Variants in SLC9A9 observed in about 807,000 individuals in gnomAD.
SLC9A9 encodes solute carrier family 9 member A9, also known as sodium/hydrogen exchanger 9.
SLC9A9 carries 62 observed loss-of-function variants against 77.8 expected under a neutral mutation model. That is an observed-to-expected ratio of 0.80 (90% CI 0.65 to 0.98). SLC9A9 has a LOEUF of 0.98. Ranked by LOEUF, SLC9A9 falls within the 50% of genes least tolerant of loss-of-function variation. SLC9A9 has a pLI of 0.00. For synonymous variants in SLC9A9, 320 were observed against 283.5 expected (o/e 1.13, Z -1.29); for missense variants, 775 against 774.9 (o/e 1.00, Z 0.00).
At chr3:143,702,270 T>C (rs1933824616) in intron 4 of SLC9A9, among the ~76,000 whole-genome samples, 2 of 152,136 alleles carry the variant, frequency 1.3e-5, no homozygotes, top group African/African-American at 4.8e-5. Flanking sequence ...CACAGACTAT[T>C]ATAACACTGT....
intron 6 of SLC9A9, among the ~76,000 whole-genome samples, chr3:143,613,213 C>T (rs1306061728): frequency 6.6e-6 from 1 of 152,168 alleles, no homozygotes; most frequent in Non-Finnish European, 1.5e-5. Flanking sequence ...CTGAGGTGTG[C>T]TCTGTTTTTC....
In SLC9A9 at chr3:143,406,866, C is replaced by G. The variant is rs140156416; in HGVS notation, c.1470-24752G>C. ...TGGCGCATGCCTGTAACCCCAGCTA[C>G]TTGGGTGGCTGAGGCAGGAGAATTG... On this transcript the variant is annotated intron_variant, in intron 12 of 15. Transcript: ENST00000316549. 0.015 allele frequency among the ~76,000 whole-genome samples: 2,334 copies of G among 151,358 alleles called. 134 individuals are homozygous for G. The East Asian group carries it at 0.21, about 14-fold the overall frequency.
chr3:143,279,994 T>C (rs74805024), intron 14 of SLC9A9, among the ~76,000 whole-genome samples: 1 of 152,052 alleles, frequency 6.6e-6, no homozygotes. Flanking sequence ...GAATTTTTAA[T>C]TTTTTTTGTA....
At chr3:143,838,168 G>C (rs573666847) in intron 1 of SLC9A9, among the ~76,000 whole-genome samples, 2 of 152,242 alleles carry the variant, frequency 1.3e-5, no homozygotes, top group African/African-American at 4.8e-5. Context: ...AGTTTTAAGG[G>C]ACCCTAAAGA....
At chr3:143,664,593 T>G (rs2039032935) in intron 5 of SLC9A9, among the ~76,000 whole-genome samples, 2 of 152,334 alleles carry the variant, frequency 1.3e-5, no homozygotes, top group Non-Finnish European at 2.9e-5. Context: ...CCATCTCATG[T>G]GCAGAGACAC....
At chr3:143,708,956 C>T (rs1217401133) in intron 4 of SLC9A9, among the ~76,000 whole-genome samples, 1 of 152,154 alleles carries the variant, frequency 6.6e-6, no homozygotes, top group African/African-American at 2.4e-5. Flanking sequence ...GAAGGAGAAC[C>T]ATGGTCTGGG....
intron 14 of SLC9A9, among the ~76,000 whole-genome samples, chr3:143,295,001 T>G (rs2030184773): frequency 6.6e-6 from 1 of 152,230 alleles, no homozygotes; most frequent in South Asian, 2.1e-4. Context: ...ATTTAATGAT[T>G]TGGCATTAGT....
intron 14 of SLC9A9, among the ~76,000 whole-genome samples, chr3:143,291,134 C>G (rs1373564714): frequency 6.6e-6 from 1 of 152,162 alleles, no homozygotes; most frequent in Non-Finnish European, 1.5e-5. Flanking sequence ...TTCTGACTGC[C>G]CAAAATGACA....
chr3:143,738,869 G>A lies in SLC9A9; in HGVS notation c.534-45562C>T, dbSNP rs115462418. Reference sequence around the variant, plus strand: ...CAAATGAAAGAGATGCACAGGAGAAGGCATGTGCAGGTATGCAGCTTTCAT... The same window carrying A: ...CAAATGAAAGAGATGCACAGGAGAAAGCATGTGCAGGTATGCAGCTTTCAT... On this transcript the variant is annotated intron_variant, in intron 4 of 15. Coordinates refer to ENST00000316549, the MANE Select transcript of SLC9A9 (RefSeq NM_173653.4). Among the ~76,000 whole-genome samples, 502 of 152,314 alleles carry A rather than the reference G, an allele frequency of 3.3e-3. 5 individuals are homozygous for A. The highest frequency in any genetic ancestry group is 0.011 in the African/African-American group (471 of 41,578).
chr3:143,676,328 T>C (rs558463122), intron 5 of SLC9A9, among the ~76,000 whole-genome samples: 23 of 152,298 alleles, frequency 1.5e-4, no homozygotes, highest in African/African-American at 5.5e-4. Context: ...ATTCTCATTA[T>C]AACAATTACA....
At chr3:143,757,981 T>C (rs975966560) in intron 4 of SLC9A9, among the ~76,000 whole-genome samples, 2 of 152,154 alleles carry the variant, frequency 1.3e-5, no homozygotes, top group Non-Finnish European at 2.9e-5. Context: ...ATCTTTGTTA[T>C]TGCTACCACC....
At chr3:143,617,003 A>G (rs529635068) in intron 6 of SLC9A9, among the ~76,000 whole-genome samples, 6 of 152,284 alleles carry the variant, frequency 3.9e-5, no homozygotes, top group African/African-American at 1.4e-4. Flanking sequence ...TCAGGATGAA[A>G]TGGGAGCCAA....
intron 12 of SLC9A9, among the ~76,000 whole-genome samples, chr3:143,417,256 CAG>C (rs945608352): frequency 1.3e-5 from 2 of 152,080 alleles, no homozygotes; most frequent in African/African-American, 4.8e-5. Flanking sequence ...GCTCTCAGGA[CAG>C]AAACTGTAGT....
At chr3:143,465,002 A>G (rs1674661303) in intron 12 of SLC9A9, among the ~76,000 whole-genome samples, 1 of 152,150 alleles carries the variant, frequency 6.6e-6, no homozygotes, top group Admixed American at 6.5e-5. Context: ...TGAGATCATC[A>G]ACTTGCTCAC....
intron 9 of SLC9A9, chr3:143,503,629 G>T: frequency 2.2e-6 from 1 of 452,206 alleles, no homozygotes; most frequent in Non-Finnish European, 4.4e-6. Context: ...CCTTGCCCAT[G>T]CCTTGGCAGT....
At chr3:143,269,516 T>G (rs1481223874) in intron 14 of SLC9A9, among the ~76,000 whole-genome samples, 1 of 152,236 alleles carries the variant, frequency 6.6e-6, no homozygotes, top group Non-Finnish European at 1.5e-5. Context: ...CAAAATTATG[T>G]AAATAAGTCG....
intron 4 of SLC9A9, among the ~76,000 whole-genome samples, chr3:143,722,190 T>C (rs1371910184): frequency 6.6e-6 from 1 of 152,148 alleles, no homozygotes; most frequent in Admixed American, 6.5e-5. Context: ...TAAGTCATCA[T>C]TGGCCGGGCG....
At chr3:143,425,128 C>T (rs923108539) in intron 12 of SLC9A9, among the ~76,000 whole-genome samples, 3 of 152,162 alleles carry the variant, frequency 2.0e-5, no homozygotes, top group Admixed American at 1.3e-4. Context: ...AAACACTTGC[C>T]ATGTGGTCAA....
At position 143,266,356 on chromosome 3, in the gene SLC9A9, T is replaced by C. The variant is rs1937713532; in HGVS notation, c.*346A>G. Reference sequence around the variant, plus strand: ...GAGGGAATAAAATCCAGAATAGAAGTGAAGGGCCTGGAGAGCCGCATTCGC... The same window carrying C: ...GAGGGAATAAAATCCAGAATAGAAGCGAAGGGCCTGGAGAGCCGCATTCGC... On this transcript the variant is annotated 3_prime_UTR_variant, in exon 16 of 16. Transcript: ENST00000316549. 2 of 554,888 alleles carry C rather than the reference T, an allele frequency of 3.6e-6. No individual in the cohort carries two copies. The highest frequency in any genetic ancestry group is 4.3e-5 in the South Asian group (2 of 46,410). 34.4% of individuals were successfully genotyped at this position (554,888 alleles called of 1,614,324 possible).
Sources: allele counts gnomAD v4.1 joint callset (sites outside exome capture counted in the v4.1 genomes callset), GRCh38; gene constraint gnomAD v4.1.1; transcripts MANE v1.5; gene names NCBI Gene and HGNC (gene_info 2026-07-23, HGNC 2026-07-21).